The following GRIP1 variants were observed in gnomAD, a reference collection of about 807,000 sequenced individuals.
GRIP1 encodes the protein glutamate receptor-interacting protein 1.
In GRIP1, 45 loss-of-function variants were observed where a neutral mutation model predicts 129.9. The ratio of observed to expected loss-of-function variants is 0.35; its 90% CI spans 0.27 to 0.44. The LOEUF is 0.44. Among genes scored for constraint, GRIP1 ranks in the 20% least tolerant of loss-of-function variants. The probability of loss-of-function intolerance (pLI) is 1.00; values close to 1 mark genes in which losing one functional copy is unlikely to be tolerated. For missense variants in GRIP1, 1,196 were observed against 1,396.8 expected (o/e 0.86, Z 2.29); for synonymous variants, 530 against 520.8 (o/e 1.02, Z -0.24).
chr12:66,863,077 G>A (rs2040140852), intron 1 of GRIP1, among the ~76,000 whole-genome samples: 1 of 151,792 alleles, frequency 6.6e-6, no homozygotes, highest in African/African-American at 2.4e-5. Flanking sequence ...TGAAGTCTAG[G>A]ACCAAAATAT....
At chr12:66,532,687 G>C (rs1565835047) in intron 4 of GRIP1, among the ~76,000 whole-genome samples, 2 of 152,108 alleles carry the variant, frequency 1.3e-5, no homozygotes, top group Admixed American at 1.3e-4. Context: ...GCGTCCTCCA[G>C]GTAGCTGCTG....
intron 23 of GRIP1, among the ~76,000 whole-genome samples, chr12:66,370,424 TC>T (rs1165126088): frequency 6.6e-6 from 1 of 152,156 alleles, no homozygotes; most frequent in Non-Finnish European, 1.5e-5. Flanking sequence ...GAACCCAACT[TC>T]CCATACTATC....
At chr12:67,016,547 G>A (rs935185876) in intron 1 of GRIP1, among the ~76,000 whole-genome samples, 4 of 152,032 alleles carry the variant, frequency 2.6e-5, no homozygotes, top group African/African-American at 7.2e-5. Context: ...AGCAGTCGAC[G>A]GAAATGGCTG....
intron 13 of GRIP1, among the ~76,000 whole-genome samples, chr12:66,434,572 G>GT (rs2058244931): frequency 6.6e-6 from 1 of 152,242 alleles, no homozygotes; most frequent in African/African-American, 2.4e-5. Flanking sequence ...GAGAAATGAA[G>GT]TAGGTAAAAA....
At chr12:66,967,437 C>G (rs1566098642) in intron 1 of GRIP1, among the ~76,000 whole-genome samples, 1 of 152,138 alleles carries the variant, frequency 6.6e-6, no homozygotes, top group Non-Finnish European at 1.5e-5. Flanking sequence ...AAAATAAGCA[C>G]AGCCATTTAA....
intron 7 of GRIP1, among the ~76,000 whole-genome samples, chr12:66,498,923 C>T (rs1054864872): frequency 2.6e-5 from 4 of 152,064 alleles, no homozygotes; most frequent in African/African-American, 4.8e-5. Flanking sequence ...CACAGGAGCT[C>T]TGTGAAAAAC....
upstream of GRIP1, among the ~76,000 whole-genome samples, chr12:66,805,269 C>T (rs138688960): frequency 5.0e-3 from 764 of 152,250 alleles, 5 homozygotes; most frequent in Middle Eastern, 0.017. Context: ...CATCCTTTAT[C>T]TCTAAAAATC....
chr12:66,728,510 C>G (rs2036326541), intron 1 of GRIP1, among the ~76,000 whole-genome samples: 1 of 152,150 alleles, frequency 6.6e-6, no homozygotes, highest in Admixed American at 6.5e-5. Flanking sequence ...AGAACACGCC[C>G]TTTCTCTGGA....
chr12:66,547,873 T>C (rs1310416426), intron 2 of GRIP1, among the ~76,000 whole-genome samples: 1 of 152,204 alleles, frequency 6.6e-6, no homozygotes, highest in Non-Finnish European at 1.5e-5. Flanking sequence ...CTGGTTGTGA[T>C]ATTACATATA....
intron 2 of GRIP1, among the ~76,000 whole-genome samples, chr12:66,592,832 T>C (rs2063896969): frequency 6.6e-6 from 1 of 152,214 alleles, no homozygotes; most frequent in African/African-American, 2.4e-5. Flanking sequence ...TGGTCAAACT[T>C]CATTTCACCA....
chr12:66,985,582 T>C (rs1394265), intron 1 of GRIP1, among the ~76,000 whole-genome samples: 37,526 of 152,006 alleles, frequency 0.25, 5,183 homozygotes, highest in East Asian at 0.41. Flanking sequence ...GGTACCAAAT[T>C]TGAAGCTAAA....
chr12:66,939,179 G>A (rs1273691856), intron 1 of GRIP1, among the ~76,000 whole-genome samples: 6 of 151,896 alleles, frequency 4.0e-5, no homozygotes, highest in Non-Finnish European at 8.8e-5. Context: ...GGATGAATAA[G>A]TTGTCAGGTG....
chr12:66,865,240 C>A (rs2040183339), intron 1 of GRIP1, among the ~76,000 whole-genome samples: 1 of 152,094 alleles, frequency 6.6e-6, no homozygotes, highest in Non-Finnish European at 1.5e-5. Flanking sequence ...CTATTTTTAC[C>A]AGCAGAAACA....
chr12:66,427,804 C>T (rs997876409), intron 14 of GRIP1, among the ~76,000 whole-genome samples: 1 of 152,094 alleles, frequency 6.6e-6, no homozygotes. Context: ...TTTGCGGATC[C>T]TAAGTTTTTA....
chr12:67,039,227 C>G (rs776295824), intron 1 of GRIP1, among the ~76,000 whole-genome samples: 12 of 152,056 alleles, frequency 7.9e-5, no homozygotes, highest in Non-Finnish European at 1.8e-4. Context: ...GGCAAATATA[C>G]CACTTAAATT....
At chr12:66,387,593 C>T (rs1301793989) in intron 19 of GRIP1, among the ~76,000 whole-genome samples, 3 of 152,148 alleles carry the variant, frequency 2.0e-5, no homozygotes, top group Non-Finnish European at 4.4e-5. Flanking sequence ...GAAGAATACT[C>T]ATGAGAAAAA....
intron 5 of GRIP1, among the ~76,000 whole-genome samples, chr12:66,522,283 G>A (rs2061042118): frequency 6.6e-6 from 1 of 152,190 alleles, no homozygotes; most frequent in Admixed American, 6.5e-5. Flanking sequence ...CACACGGCCG[G>A]GTACTCCTCT....
intron 1 of GRIP1, among the ~76,000 whole-genome samples, chr12:66,870,796 T>C (rs2040282973): frequency 6.6e-6 from 1 of 152,110 alleles, no homozygotes; most frequent in African/African-American, 2.4e-5. Flanking sequence ...GTCATGGCCT[T>C]CGTATGTTAC....
chr12:66,831,387 T>G (rs557116829), intron 1 of GRIP1, among the ~76,000 whole-genome samples: 1 of 152,332 alleles, frequency 6.6e-6, no homozygotes, highest in African/African-American at 2.4e-5. Context: ...CATTAGCAAC[T>G]TCTCTCAAGA....
Sources: allele counts gnomAD v4.1 joint callset (sites outside exome capture counted in the v4.1 genomes callset), GRCh38; gene constraint gnomAD v4.1.1; transcripts MANE v1.5; gene names NCBI Gene and HGNC (gene_info 2026-07-23, HGNC 2026-07-21).